Variants in MAP3K7CL observed in about 807,000 individuals in gnomAD.
The protein encoded by MAP3K7CL is MAP3K7 C-terminal like, also known as MAP3K7 C-terminal-like protein.
Under a neutral mutation model 18.6 loss-of-function variants are expected in MAP3K7CL, and 16 were observed. That is an observed-to-expected ratio of 0.86 (90% CI 0.58 to 1.31). The LOEUF (loss-of-function observed/expected upper bound fraction) is 1.31. MAP3K7CL is among the 50% of genes most tolerant of loss of function. The pLI is 0.00. For missense variants in MAP3K7CL, 163 were observed against 174.4 expected (o/e 0.93, Z 0.37); for synonymous variants, 65 against 66.8 (o/e 0.97, Z 0.13).
intron 4 of MAP3K7CL, among the ~76,000 whole-genome samples, chr21:29,116,736 C>T (rs1426070449): frequency 1.3e-5 from 2 of 152,030 alleles, no homozygotes; most frequent in Non-Finnish European, 2.9e-5. Context: ...AAAAAGAATA[C>T]TAAAAGCATG....
chr21:29,142,063 T>C (rs977922147), intron 2 of MAP3K7CL, among the ~76,000 whole-genome samples: 1 of 152,008 alleles, frequency 6.6e-6, no homozygotes, highest in African/African-American at 2.4e-5. Flanking sequence ...AAAAAGTGTT[T>C]GGAAGTAAAT....
At chr21:29,147,671 GTC>G (rs2087166670) in intron 2 of MAP3K7CL, among the ~76,000 whole-genome samples, 1 of 150,832 alleles carries the variant, frequency 6.6e-6, no homozygotes, top group African/African-American at 2.4e-5. Flanking sequence ...TATCTGTACT[GTC>G]TCTATTGTAT....
In MAP3K7CL at chr21:29,086,030, G is replaced by A. The variant is rs1011216900; in HGVS notation, c.57+113G>A. On this transcript the variant is annotated intron_variant, in intron 1 of 6. Transcript: ENST00000286791. ...AAGAAGCAGAGAGAAATGGACCTTG[G>A]AAGTCTCAGCTAACCATTACTGTTG... The A allele has an allele frequency of 4.2e-6, 5 of 1,204,424 alleles. No individual in the cohort carries two copies. The African/African-American group carries it at 6.0e-5, about 14-fold the overall frequency. The allele number at this position is 1,204,424 out of a possible 1,614,324, so 74.6% of individuals were successfully genotyped here. A position where few individuals can be genotyped will look rare whatever the true frequency, so the allele number is the denominator to read the frequency against.
chr21:29,142,913 AC>A (rs1026495419), intron 2 of MAP3K7CL, among the ~76,000 whole-genome samples: 2 of 152,164 alleles, frequency 1.3e-5, no homozygotes, highest in African/African-American at 4.8e-5. Flanking sequence ...GTCCTACTGA[AC>A]GTTGTACTGA....
chr21:29,162,881 G>T (rs1019320788), intron 4 of MAP3K7CL, among the ~76,000 whole-genome samples: 2 of 152,092 alleles, frequency 1.3e-5, no homozygotes, highest in African/African-American at 4.8e-5. Context: ...AAGGCAGGCG[G>T]ATCACCTGAG....
At chr21:29,102,941 C>G (rs1433526638) in intron 4 of MAP3K7CL, among the ~76,000 whole-genome samples, 3 of 152,260 alleles carry the variant, frequency 2.0e-5, no homozygotes, top group Middle Eastern at 6.8e-3. Context: ...CAGCCTTGGT[C>G]AAGCCATCAC....
rs968362985 is a variant in MAP3K7CL at position 29,099,261 on chromosome 21, ATTTTTTTTTT to A, written c.370+6695_370+6704del. On this transcript the variant is annotated intron_variant, in intron 4 of 6. Coordinates refer to the MAP3K7CL transcript ENST00000286791. ...GTACACCACTGTACCCAGCTAATTG[ATTTTTTTTTT>A]TTTTTTTTTTTTTTGTAGAGACGGG... 9.6e-5 allele frequency among the ~76,000 whole-genome samples: 8 copies of A among 83,028 alleles called. 1 individual carries two copies. Among genetic ancestry groups the A allele is most frequent in the East Asian group, 3.8e-4 (1 of 2,608 alleles). The allele number at this position is 83,028 out of a possible 152,430, so 54.5% of individuals were successfully genotyped here.
intron 4 of MAP3K7CL, 26 bp downstream of exon 4, chr21:29,160,082 C>T: frequency 6.4e-7 from 1 of 1,569,506 alleles, no homozygotes; most frequent in Non-Finnish European, 8.8e-7. Flanking sequence ...CCTCACTCTA[C>T]ATCTGAGCAC....
At chr21:29,142,051 A>G (rs1224128518) in intron 2 of MAP3K7CL, among the ~76,000 whole-genome samples, 2 of 150,996 alleles carry the variant, frequency 1.3e-5, no homozygotes, top group African/African-American at 4.9e-5. Flanking sequence ...TATCTTTCAT[A>G]TAAAAAGTGT....
chr21:29,119,897 T>G (rs2086564150), intron 4 of MAP3K7CL, among the ~76,000 whole-genome samples: 2 of 152,134 alleles, frequency 1.3e-5, no homozygotes. Context: ...ACTTCTGACC[T>G]TAGGTAATCC....
At chr21:29,121,510 C>T (rs2086594269) in intron 4 of MAP3K7CL, among the ~76,000 whole-genome samples, 1 of 152,100 alleles carries the variant, frequency 6.6e-6, no homozygotes, top group Non-Finnish European at 1.5e-5. Context: ...AATATAGGCT[C>T]ATTCAGAGCT....
intron 1 of MAP3K7CL, among the ~76,000 whole-genome samples, chr21:29,088,554 T>C (rs1169181966): frequency 6.6e-6 from 1 of 152,232 alleles, no homozygotes; most frequent in Non-Finnish European, 1.5e-5. Flanking sequence ...AGGAATTAAA[T>C]TGGTCTTAAA....
chr21:29,173,204 T>TCC (rs891806310), intron 4 of MAP3K7CL, among the ~76,000 whole-genome samples: 3 of 152,166 alleles, frequency 2.0e-5, no homozygotes, highest in Admixed American at 6.5e-5. Context: ...TGGCAGTGTG[T>TCC]CCTAAGCTTT....
chr21:29,159,575 A>G (rs2087490944), intron 3 of MAP3K7CL, among the ~76,000 whole-genome samples: 1 of 152,200 alleles, frequency 6.6e-6, no homozygotes, highest in South Asian at 2.1e-4. Flanking sequence ...TTTCCCCACC[A>G]CTGCTCTTCT....
chr21:29,092,634 C>T (rs1226702670), intron 4 of MAP3K7CL: 3 of 1,602,388 alleles, frequency 1.9e-6, no homozygotes, highest in Non-Finnish European at 2.6e-6. Context: ...GCTTTTTACA[C>T]ACTGCACCAT....
chr21:29,153,422 A>G (rs2087324186), intron 3 of MAP3K7CL, among the ~76,000 whole-genome samples: 1 of 152,126 alleles, frequency 6.6e-6, no homozygotes, highest in Admixed American at 6.5e-5. Flanking sequence ...GTCCATTTCT[A>G]AGAATGAATG....
intron 4 of MAP3K7CL, among the ~76,000 whole-genome samples, chr21:29,121,187 TTGGGCAATGACTGTCTTACC>T: frequency 6.6e-6 from 1 of 151,790 alleles, no homozygotes; most frequent in East Asian, 1.9e-4. Flanking sequence ...GCACTCAAGT[TTGGGCAATGACTGTCTTACC>T]TGGGAATTCT....
intron 4 of MAP3K7CL, among the ~76,000 whole-genome samples, chr21:29,101,579 T>C (rs2086231104): frequency 6.6e-6 from 1 of 152,106 alleles, no homozygotes; most frequent in Non-Finnish European, 1.5e-5. Flanking sequence ...CAGCTAATTT[T>C]TTGTATTTTT....
chr21:29,154,007 T>C (rs933155748), intron 3 of MAP3K7CL, among the ~76,000 whole-genome samples: 3 of 152,216 alleles, frequency 2.0e-5, no homozygotes, highest in African/African-American at 7.2e-5. Context: ...AGAATGACAA[T>C]GACCAAGGCA....
Sources: gnomAD v4.1 joint callset for allele counts (sites outside exome capture counted in the v4.1 genomes callset) on GRCh38, gnomAD v4.1.1 for gene constraint, MANE v1.5 for transcripts, NCBI Gene and HGNC (gene_info 2026-07-23, HGNC 2026-07-21) for gene names.